The following PAX3 variants were observed in gnomAD, a reference collection of about 807,000 sequenced individuals.
PAX3 encodes the protein paired box 3.
PAX3 carries 14 observed loss-of-function variants against 51.6 expected under a neutral mutation model. The observed-to-expected ratio is 0.27, with a 90% CI of 0.18 to 0.42. PAX3 has a LOEUF of 0.42. PAX3 is among the 10% of genes least tolerant of loss of function. PAX3 has a pLI of 1.00. For missense variants in PAX3, 540 were observed against 642.8 expected, an observed-to-expected ratio of 0.84 and a Z score of 1.73; for synonymous variants, 280 against 253.4, an observed-to-expected ratio of 1.11 and a Z score of -1.00.
At chr2:222,291,554 A>G (rs749008306) in intron 4 of PAX3, among the ~76,000 whole-genome samples, 2 of 152,106 alleles carry the variant, frequency 1.3e-5, no homozygotes, top group Non-Finnish European at 2.9e-5. Flanking sequence ...AAGTGGCTCA[A>G]CCCTTTTGTC....
At chr2:222,270,041 T>A (rs1330742448) in intron 4 of PAX3, among the ~76,000 whole-genome samples, 1 of 152,222 alleles carries the variant, frequency 6.6e-6, no homozygotes, top group Non-Finnish European at 1.5e-5. Context: ...GGCCACTGTC[T>A]GCATTGTCCC....
intron 4 of PAX3, among the ~76,000 whole-genome samples, chr2:222,252,127 T>C (rs1693457547): frequency 6.6e-6 from 1 of 152,198 alleles, no homozygotes; most frequent in Non-Finnish European, 1.5e-5. Flanking sequence ...ACAATTTTAG[T>C]GTTGATAAAG....
At position 222,244,595 on chromosome 2, in the gene PAX3, G is replaced by T. The variant is rs1322135766; in HGVS notation, c.587-12312C>A. Reference sequence around the variant, plus strand: ...GTGAAGAATGTTCCCTACATCCTAAGACTGAGAGAGAAAAATCACCACCAA... The same window carrying T: ...GTGAAGAATGTTCCCTACATCCTAATACTGAGAGAGAAAAATCACCACCAA... On this transcript the variant is annotated intron_variant, in intron 4 of 8. Transcript: ENST00000392070. Among the ~76,000 whole-genome samples the T allele has an allele frequency of 2.0e-5, 3 of 152,030 alleles. No homozygotes were observed. In the East Asian group the frequency reaches 5.8e-4, roughly 29 times the overall value.
At position 222,236,879 on chromosome 2, in the gene PAX3, A is replaced by T. The variant is rs532849424; in HGVS notation, c.587-4596T>A. Among the ~76,000 whole-genome samples the T allele has an allele frequency of 2.6e-5, 4 of 152,332 alleles. No homozygotes were observed. The South Asian group carries it at 8.3e-4, about 32-fold the overall frequency. On this transcript the variant is annotated intron_variant, in intron 4 of 8. Transcript: ENST00000392070. Reference sequence around the variant, plus strand: ...TCCCAAATTTGAAATTCCAGAATAGATCTCATAAGAAAATCCATATCAATA... The same window carrying T: ...TCCCAAATTTGAAATTCCAGAATAGTTCTCATAAGAAAATCCATATCAATA...
rs1695259657 is a variant in PAX3 at position 222,295,706 on chromosome 2, G to A, written c.322-49C>T. ...CGTTGGTACCCGGTACCCTGGGCCA[G>A]GTGGCGGCGGCCCCACCGCCTCTGG... On this transcript the variant is annotated intron_variant, in intron 2 of 8. Coordinates refer to ENST00000392070, the MANE Select transcript of PAX3 (RefSeq NM_181458.4). 3.1e-6 allele frequency: 5 copies of A among 1,611,770 alleles called. No homozygotes were observed. The East Asian group carries it at 1.1e-4, about 36-fold the overall frequency.
chr2:222,293,800 C>A, intron 4 of PAX3: 2 of 1,614,104 alleles, frequency 1.2e-6, no homozygotes, highest in Non-Finnish European at 1.7e-6. Flanking sequence ...GATTCAAGTA[C>A]CCTCTATCCC....
At chr2:222,296,277 G>A (rs1695291390) in intron 2 of PAX3, among the ~76,000 whole-genome samples, 1 of 152,356 alleles carries the variant, frequency 6.6e-6, no homozygotes, top group African/African-American at 2.4e-5. Flanking sequence ...GAAGGAAGAG[G>A]AGGGTGTTTG....
intron 4 of PAX3, among the ~76,000 whole-genome samples, chr2:222,279,257 C>A (rs1221824680): frequency 1.3e-5 from 2 of 151,480 alleles, no homozygotes; most frequent in East Asian, 3.9e-4. Flanking sequence ...CCCAGCCAAC[C>A]AGTTGAGTAT....
chr2:222,256,559 T>C (rs1378049658), intron 4 of PAX3, among the ~76,000 whole-genome samples: 1 of 152,140 alleles, frequency 6.6e-6, no homozygotes, highest in Non-Finnish European at 1.5e-5. Context: ...ACTCGGAAAC[T>C]GCTCTTTGAT....
At chr2:222,269,430 G>A (rs1694171289) in intron 4 of PAX3, among the ~76,000 whole-genome samples, 1 of 152,148 alleles carries the variant, frequency 6.6e-6, no homozygotes, top group Non-Finnish European at 1.5e-5. Flanking sequence ...ATGAAGCAAA[G>A]AGCTGCCATT....
chr2:222,275,940 A>T (rs1694404786), intron 4 of PAX3, among the ~76,000 whole-genome samples: 2 of 152,268 alleles, frequency 1.3e-5, no homozygotes, highest in South Asian at 4.1e-4. Flanking sequence ...CAGTTGGGAC[A>T]ACCGCTAAGT....
chr2:222,269,928 G>A (rs1253294544), intron 4 of PAX3, among the ~76,000 whole-genome samples: 1 of 152,064 alleles, frequency 6.6e-6, no homozygotes, highest in Non-Finnish European at 1.5e-5. Context: ...AATTCTTTTA[G>A]TAGAAAGAAT....
intron 4 of PAX3, among the ~76,000 whole-genome samples, chr2:222,244,435 G>A (rs1026812510): frequency 6.6e-6 from 1 of 152,126 alleles, no homozygotes; most frequent in African/African-American, 2.4e-5. Context: ...CCAAAGACTG[G>A]TTTTTAAGGA....
At chr2:222,235,967 A>G (rs1285303855) in intron 4 of PAX3, among the ~76,000 whole-genome samples, 1 of 152,220 alleles carries the variant, frequency 6.6e-6, no homozygotes. Flanking sequence ...TGAGGAAATG[A>G]TTTGCCTGAT....
At chr2:222,224,643 C>G (rs145547106) in intron 5 of PAX3, among the ~76,000 whole-genome samples, 1 of 152,122 alleles carries the variant, frequency 6.6e-6, no homozygotes, top group African/African-American at 2.4e-5. Context: ...CGTAGTGATC[C>G]TAGGAGGCTG....
At chr2:222,285,802 T>A (rs1694812193) in intron 4 of PAX3, among the ~76,000 whole-genome samples, 1 of 152,266 alleles carries the variant, frequency 6.6e-6, no homozygotes, top group South Asian at 2.1e-4. Flanking sequence ...TAAGTTTTGA[T>A]AAAACTATAC....
chr2:222,221,060 C>G (rs1483066456), intron 6 of PAX3, among the ~76,000 whole-genome samples, 162 bp downstream of exon 6: 4 of 152,204 alleles, frequency 2.6e-5, no homozygotes, highest in Non-Finnish European at 4.4e-5. Context: ...CATCATAGAA[C>G]AAACTATGTT....
chr2:222,295,609 C>T lies in PAX3; in HGVS notation c.370G>A (p.Glu124Lys). The T allele has an allele frequency of 6.2e-7, 1 of 1,614,220 alleles. No individual in the cohort carries two copies. The highest frequency in any genetic ancestry group is 8.5e-7 in the Non-Finnish European group (1 of 1,180,044). The change falls in exon 3 of 9, where the codon GAG becomes AAG. Residue 124 changes from glutamate to lysine, a missense_variant. By Grantham distance (56) the Glu-to-Lys change is moderately conservative. Around this residue, in one of 3 missense-constraint regions of PAX3, gnomAD observed 427 missense variants for 483.6 expected, o/e 0.88. Coordinates refer to ENST00000392070, the MANE Select transcript of PAX3 (RefSeq NM_181458.4). Reference sequence around the variant, plus strand: ...TCCCAGCTGAACATGCCCGGGTTCTCTCTTTTGTATTCCTCAATTTTCTTC... The same window carrying T: ...TCCCAGCTGAACATGCCCGGGTTCTTTCTTTTGTATTCCTCAATTTTCTTC... ...VEKKIEEYKRENPGMFSWEIR... is the reference protein window; with the variant it reads ...VEKKIEEYKRKNPGMFSWEIR...
intron 4 of PAX3, among the ~76,000 whole-genome samples, chr2:222,286,559 G>GT (rs1194820608): frequency 2.6e-5 from 4 of 152,178 alleles, no homozygotes; most frequent in African/African-American, 9.7e-5. Context: ...GAGGTGTTTT[G>GT]TTTTGTTTTG....
Sources: allele counts gnomAD v4.1 joint callset (sites outside exome capture counted in the v4.1 genomes callset), GRCh38; gene constraint gnomAD v4.1.1; regional missense constraint gnomAD v4.1.1; transcripts MANE v1.5; gene names NCBI Gene and HGNC (gene_info 2026-07-23, HGNC 2026-07-21).